PRKAR1B: variants seen among roughly 807,000 people sequenced by gnomAD.
PRKAR1B encodes protein kinase cAMP-dependent type I regulatory subunit beta, also known as cAMP-dependent protein kinase type I-beta regulatory subunit.
PRKAR1B carries 22 observed loss-of-function variants against 46.5 expected under a neutral mutation model. That is an observed-to-expected ratio of 0.47 (90% CI 0.34 to 0.68). PRKAR1B has a LOEUF of 0.68. Ranked by LOEUF, PRKAR1B falls within the 30% of genes least tolerant of loss-of-function variation. The pLI is 0.01. For synonymous variants in PRKAR1B, 259 were observed against 217.7 expected, an observed-to-expected ratio of 1.19 and a Z score of -1.67; for missense variants, 445 against 535.6, an observed-to-expected ratio of 0.83 and a Z score of 1.67.
intron 4 of PRKAR1B, among the ~76,000 whole-genome samples, chr7:669,713 G>A (rs1786119631): frequency 1.3e-5 from 2 of 151,498 alleles, no homozygotes; most frequent in Non-Finnish European, 1.5e-5. Context: ...GCAGTGAGCC[G>A]AGATAGCGCC....
intron 2 of PRKAR1B, among the ~76,000 whole-genome samples, chr7:687,757 C>A (rs755421069): frequency 7.2e-5 from 11 of 152,052 alleles, no homozygotes; most frequent in Non-Finnish European, 1.2e-4. Context: ...CGTGGTAAAC[C>A]GCAGGAGCTA....
In PRKAR1B at chr7:714,425, G is replaced by T. The variant is rs1780802585; in HGVS notation, c.-22-2898C>A. ...TCCTTTTGAGACAAGGATCTCCCAG[G>T]TTTGGGGGCTGGCAGCATGCACGTG... On this transcript the variant is annotated intron_variant, in intron 1 of 10. Coordinates refer to ENST00000537384, the MANE Select transcript of PRKAR1B (RefSeq NM_001164760.2). This position sits in a 1 kb window ranked among gnomAD's most constrained non-coding sequence, Gnocchi z 4.3. Among the ~76,000 whole-genome samples, 1 of 152,196 alleles carries T rather than the reference G, an allele frequency of 6.6e-6. No homozygotes were observed. The highest frequency in any genetic ancestry group is 1.5e-5 in the Non-Finnish European group (1 of 68,030).
intron 2 of PRKAR1B, among the ~76,000 whole-genome samples, chr7:688,593 C>T (rs1370822343): frequency 1.3e-5 from 2 of 152,148 alleles, no homozygotes; most frequent in Non-Finnish European, 2.9e-5. Flanking sequence ...CACACTTCCG[C>T]CTTTCACTTG....
chr7:617,118 C>G (rs191837061), intron 4 of PRKAR1B, among the ~76,000 whole-genome samples: 1 of 151,686 alleles, frequency 6.6e-6, no homozygotes, highest in Non-Finnish European at 1.5e-5. Flanking sequence ...CTCAGCCTCC[C>G]GAGTAGCTGG....
At position 633,005 on chromosome 7, in the gene PRKAR1B, G is replaced by A. The variant is rs117027079; in HGVS notation, c.441-25553C>T. Among the ~76,000 whole-genome samples, 38 of 152,350 alleles carry A rather than the reference G, an allele frequency of 2.5e-4. No homozygotes were observed. The East Asian group carries it at 6.8e-3, about 27-fold the overall frequency. On this transcript the variant is annotated intron_variant, in intron 4 of 10. Coordinates refer to ENST00000537384, the MANE Select transcript of PRKAR1B (RefSeq NM_001164760.2). Reference sequence around the variant, plus strand: ...AATCACGGGCAGAGGGAAGCCAGGCGCGCGGGTCGTAGTGAGATCAGCTAG... The same window carrying A: ...AATCACGGGCAGAGGGAAGCCAGGCACGCGGGTCGTAGTGAGATCAGCTAG...
In PRKAR1B at chr7:596,296, C is replaced by T. The variant is rs762001154; in HGVS notation, c.558G>A (p.Val186=). Residue 186 remains valine (V), a synonymous_variant, in exon 7 of 11, where the codon GTG becomes GTA. Coordinates refer to ENST00000537384, the MANE Select transcript of PRKAR1B (RefSeq NM_001164760.2). ...VVDQGEVDVY[V]NGEWVTNISE... ...TGATGTTGGTCACCCACTCTCCGTTCACGTACACCTTTGGGGAGCAAGAGA... is the reference window on the plus strand; with the variant it reads ...TGATGTTGGTCACCCACTCTCCGTTTACGTACACCTTTGGGGAGCAAGAGA... 6.2e-7 allele frequency: 1 copy of T among 1,612,186 alleles called. No individual in the cohort carries two copies. The highest frequency in any genetic ancestry group is 8.5e-7 in the Non-Finnish European group (1 of 1,178,812).
intron 8 of PRKAR1B, 119 bp downstream of exon 8, chr7:584,389 C>T (rs1780480819): frequency 2.5e-6 from 2 of 815,676 alleles, no homozygotes; most frequent in Admixed American, 2.1e-5. Flanking sequence ...GCACCCCAAA[C>T]CTCCATAATA....
chr7:726,865 G>A (rs1246987329), intron 1 of PRKAR1B: 7 of 1,317,420 alleles, frequency 5.3e-6, no homozygotes, highest in Non-Finnish European at 6.8e-6. Flanking sequence ...CCGGCGGCGC[G>A]CCTTGGAGGC....
chr7:691,611 C>T (rs774532921), intron 2 of PRKAR1B: 32 of 1,303,768 alleles, frequency 2.5e-5, no homozygotes, highest in Non-Finnish European at 3.1e-5. Flanking sequence ...GAGGTGGACG[C>T]CCTGCCGTGT....
At chr7:624,439 A>G (rs1783275892) in intron 4 of PRKAR1B, among the ~76,000 whole-genome samples, 1 of 139,214 alleles carries the variant, frequency 7.2e-6, no homozygotes, top group African/African-American at 3.3e-5. Context: ...CTCAAAAAGA[A>G]AAAAAAAAAG....
chr7:615,683 C>A (rs2128470900), intron 4 of PRKAR1B, among the ~76,000 whole-genome samples: 1 of 150,442 alleles, frequency 6.6e-6, no homozygotes, highest in Middle Eastern at 3.4e-3. Flanking sequence ...AAAAAATTAG[C>A]CGGGCGTGGT....
chr7:688,973 G>A (rs1779258894), intron 2 of PRKAR1B, among the ~76,000 whole-genome samples: 1 of 152,144 alleles, frequency 6.6e-6, no homozygotes, highest in Non-Finnish European at 1.5e-5. Context: ...AAAATCAAGA[G>A]AAGCAACAGA....
chr7:580,663 AC>A (rs1780120169), intron 8 of PRKAR1B, among the ~76,000 whole-genome samples: 2 of 151,000 alleles, frequency 1.3e-5, no homozygotes, highest in Non-Finnish European at 2.9e-5. Context: ...TTCATCCCTA[AC>A]CCTTGGAAGG....
chr7:669,670 A>G (rs1256010405), intron 4 of PRKAR1B, among the ~76,000 whole-genome samples: 1 of 151,364 alleles, frequency 6.6e-6, no homozygotes, highest in Non-Finnish European at 1.5e-5. Context: ...AGGCTGAGGC[A>G]GGAGAATCAC....
intron 1 of PRKAR1B, among the ~76,000 whole-genome samples, chr7:720,927 T>A (rs377337001): frequency 4.6e-5 from 7 of 152,238 alleles, no homozygotes; most frequent in African/African-American, 1.7e-4. Context: ...CTAATTGGTG[T>A]GTTTAGGCCA....
intron 1 of PRKAR1B, among the ~76,000 whole-genome samples, chr7:719,936 A>C (rs186860399): frequency 1.3e-4 from 20 of 152,270 alleles, no homozygotes; most frequent in African/African-American, 4.1e-4. Context: ...TGCGTGCAGC[A>C]ATTCTTTCTG....
intron 7 of PRKAR1B, among the ~76,000 whole-genome samples, chr7:591,170 C>A (rs913198384): frequency 2.0e-5 from 3 of 152,226 alleles, no homozygotes; most frequent in African/African-American, 7.2e-5. Flanking sequence ...CTGCCAGGGG[C>A]CCCCGGGGGA....
chr7:701,267 A>AG (rs1780047661), intron 2 of PRKAR1B, among the ~76,000 whole-genome samples: 2 of 111,564 alleles, frequency 1.8e-5, no homozygotes, highest in Non-Finnish European at 3.8e-5. Context: ...GAAAGAAGGA[A>AG]AAAAGAAAGA....
intron 4 of PRKAR1B, among the ~76,000 whole-genome samples, chr7:642,649 C>T (rs1044519706): frequency 2.0e-5 from 3 of 149,932 alleles, no homozygotes; most frequent in Non-Finnish European, 4.4e-5. Flanking sequence ...GGCGTGAACC[C>T]GGGAGGCGGA....
Sources: gnomAD v4.1 joint callset for allele counts (sites outside exome capture counted in the v4.1 genomes callset) on GRCh38, gnomAD v4.1.1 for gene constraint, Gnocchi (gnomAD v3.1) non-coding constraint, MANE v1.5 for transcripts, NCBI Gene and HGNC (gene_info 2026-07-23, HGNC 2026-07-21) for gene names.